The following DMD variants were observed in gnomAD, a reference collection of about 807,000 sequenced individuals.
The protein encoded by DMD is dystrophin.
DMD carries 63 observed loss-of-function variants against 330.1 expected under a neutral mutation model. The ratio of observed to expected loss-of-function variants is 0.19; its 90% CI spans 0.16 to 0.24. The LOEUF (loss-of-function observed/expected upper bound fraction) is 0.24, where lower values mean the gene tolerates loss of function less well. Ranked by LOEUF, DMD falls within the 10% of genes least tolerant of loss-of-function variation. The pLI is 1.00. For missense variants in DMD, 3,344 were observed against 2,684.1 expected, an observed-to-expected ratio of 1.25 and a Z score of -5.43; for synonymous variants, 1,223 against 959.8, an observed-to-expected ratio of 1.27 and a Z score of -5.07.
chrX:32,801,173 C>G (rs2076537375), intron 7 of DMD, among the ~76,000 whole-genome samples: 1 of 111,599 alleles, frequency 9.0e-6, no homozygotes, highest in African/African-American at 3.3e-5. Context: ...TCTCCATATT[C>G]TCTCCAGCAT....
chrX:31,478,112 T>C lies in DMD; in HGVS notation c.8931A>G (p.Lys2977=), dbSNP rs760554236. The change falls in exon 59 of 79, where the codon AAA becomes AAG. Residue 2977 remains lysine (K), a synonymous_variant. Coordinates refer to ENST00000357033, the MANE Select transcript of DMD (RefSeq NM_004006.3). ...LIDSLQDHLE[K]VKALRGEIAP... ...GCAAAGAAGTAGACGGTACCTTGAC[T>C]TTCTCGAGGTGATCTTGGAGAGAGT... is the stretch of plus-strand genomic sequence containing the variant. The C allele has an allele frequency of 1.7e-6, 2 of 1,210,242 alleles. No individual in the cohort carries two copies. The highest frequency in any genetic ancestry group is 1.8e-5 in the South Asian group (1 of 56,550).
chrX:31,999,828 A>T (rs1803245723), intron 44 of DMD, among the ~76,000 whole-genome samples: 1 of 111,608 alleles, frequency 9.0e-6, no homozygotes, highest in Non-Finnish European at 1.9e-5. Flanking sequence ...TAAAATTACC[A>T]TGATAGCTTC....
chrX:32,464,955 G>A (rs901795378), intron 23 of DMD, among the ~76,000 whole-genome samples: 1 of 111,622 alleles, frequency 9.0e-6, no homozygotes, highest in Admixed American at 9.5e-5. Context: ...TGTTACTCTC[G>A]AGAACATTAA....
chrX:31,252,405 G>A (rs762819445), intron 63 of DMD, among the ~76,000 whole-genome samples: 5 of 112,080 alleles, frequency 4.5e-5, no homozygotes, highest in African/African-American at 6.5e-5. Context: ...TGTAAAATGT[G>A]TGTTCTGGAC....
intron 47 of DMD, among the ~76,000 whole-genome samples, chrX:31,885,259 T>C (rs953206377): frequency 9.0e-6 from 1 of 111,446 alleles, no homozygotes; most frequent in African/African-American, 3.3e-5. Flanking sequence ...GACTTCATAT[T>C]CTACTCTTTC....
At chrX:33,060,837 C>CAA (rs5902049) in intron 1 of DMD, among the ~76,000 whole-genome samples, 9 of 62,914 alleles carry the variant, frequency 1.4e-4, no homozygotes, top group Non-Finnish European at 2.0e-4. Flanking sequence ...AACTTCATTT[C>CAA]AAAAAAAAAA....
At chrX:31,940,850 T>C (rs1380192810) in intron 45 of DMD, among the ~76,000 whole-genome samples, 15 of 111,226 alleles carry the variant, frequency 1.3e-4, no homozygotes, top group Non-Finnish European at 1.3e-4. Context: ...AGCGAAGAAG[T>C]GAACAAGAAG....
At chrX:32,327,903 GAAAT>G (rs1458641255) in intron 41 of DMD, among the ~76,000 whole-genome samples, 2 of 111,278 alleles carry the variant, frequency 1.8e-5, no homozygotes, top group Non-Finnish European at 3.8e-5. Flanking sequence ...AGCTACAACA[GAAAT>G]AAAGTATTTT....
chrX:31,911,387 G>A (rs1370267917), intron 47 of DMD, among the ~76,000 whole-genome samples: 10 of 111,924 alleles, frequency 8.9e-5, no homozygotes, highest in Non-Finnish European at 5.6e-5. Flanking sequence ...GTGTCATTAG[G>A]TGACTACAAA....
intron 43 of DMD, among the ~76,000 whole-genome samples, chrX:32,218,692 A>G (rs1227601397): frequency 8.9e-6 from 1 of 111,843 alleles, no homozygotes; most frequent in East Asian, 2.8e-4. Flanking sequence ...ACATCATTTC[A>G]TTGACACCTA....
intron 32 of DMD, among the ~76,000 whole-genome samples, chrX:32,386,991 T>G (rs1458117644): frequency 9.0e-6 from 1 of 110,619 alleles, no homozygotes; most frequent in African/African-American, 3.3e-5. Context: ...AGCACCTAAA[T>G]TTCTACATCA....
At chrX:31,775,218 C>T (rs761197393) in intron 50 of DMD, among the ~76,000 whole-genome samples, 147 of 111,004 alleles carry the variant, frequency 1.3e-3, no homozygotes, top group African/African-American at 4.8e-3. Flanking sequence ...CCAGAAAGAG[C>T]AGCATAATCA....
chrX:32,456,578 T>TTGTGTGTGTGTGTG (rs60876331), intron 25 of DMD, among the ~76,000 whole-genome samples: 1 of 89,499 alleles, frequency 1.1e-5, no homozygotes, highest in Non-Finnish European at 2.2e-5. Context: ...CATACATACT[T>TTGTGTGTGTGTGTG]TGTGTGTGTG....
At chrX:32,203,342 C>T (rs2097049451) in intron 44 of DMD, among the ~76,000 whole-genome samples, 2 of 112,576 alleles carry the variant, frequency 1.8e-5, no homozygotes, top group African/African-American at 6.4e-5. Flanking sequence ...AGGCATCTGC[C>T]TCCCTGACTG....
chrX:32,204,687 C>T (rs747071964), intron 44 of DMD, among the ~76,000 whole-genome samples: 9 of 110,400 alleles, frequency 8.2e-5, no homozygotes, highest in East Asian at 2.9e-4. Flanking sequence ...TTTTGACTTA[C>T]GGTTCTGCAG....
At chrX:31,323,927 C>T (rs1206318540) in intron 61 of DMD, among the ~76,000 whole-genome samples, 2 of 110,787 alleles carry the variant, frequency 1.8e-5, no homozygotes, top group Non-Finnish European at 3.8e-5. Context: ...AGATAAGAAA[C>T]TGAATGAGTA....
chrX:31,622,911 T>C (rs1226913453), intron 55 of DMD, among the ~76,000 whole-genome samples: 1 of 102,537 alleles, frequency 9.8e-6, no homozygotes, highest in Non-Finnish European at 2.0e-5. Context: ...CACACATATA[T>C]GTGTATATAA....
At chrX:33,259,597 G>GCCCC (rs34830749) in intron 1 of DMD, among the ~76,000 whole-genome samples, 3 of 15,809 alleles carry the variant, frequency 1.9e-4, no homozygotes, top group African/African-American at 2.6e-4. Context: ...TTTCAAAATC[G>GCCCC]CCCCCCCCCC....
chrX:32,793,625 C>G (rs1240163938), intron 7 of DMD, among the ~76,000 whole-genome samples: 1 of 111,048 alleles, frequency 9.0e-6, no homozygotes, highest in East Asian at 2.8e-4. Flanking sequence ...AGAGACTATA[C>G]TGAACAACTA....
Sources: gnomAD v4.1 joint callset for allele counts (sites outside exome capture counted in the v4.1 genomes callset) on GRCh38, gnomAD v4.1.1 for gene constraint, MANE v1.5 for transcripts, NCBI Gene and HGNC (gene_info 2026-07-23, HGNC 2026-07-21) for gene names.